ELMO1: variants seen among roughly 807,000 people sequenced by gnomAD.
The protein encoded by ELMO1 is engulfment and cell motility 1, also known as engulfment and cell motility protein 1.
A neutral mutation model predicts 98.9 loss-of-function variants in ELMO1; 26 were observed. That is an observed-to-expected ratio of 0.26 (90% CI 0.19 to 0.36). ELMO1 has a LOEUF of 0.36. Among genes scored for constraint, ELMO1 ranks in the 10% least tolerant of loss-of-function variants. The probability of loss-of-function intolerance (pLI) is 1.00; values close to 1 mark genes in which losing one functional copy is unlikely to be tolerated. For synonymous variants in ELMO1, 346 were observed against 346.0 expected, an observed-to-expected ratio of 1.00 and a Z score of 0.00; for missense variants, 627 against 935.2, an observed-to-expected ratio of 0.67 and a Z score of 4.30.
At chr7:37,297,718 C>T (rs1445404154) in intron 4 of ELMO1, among the ~76,000 whole-genome samples, 1 of 151,920 alleles carries the variant, frequency 6.6e-6, no homozygotes, top group Non-Finnish European at 1.5e-5. Flanking sequence ...GAAAGTTTGA[C>T]AAATAAATAG....
chr7:37,249,163 A>G (rs1795180716), intron 6 of ELMO1, among the ~76,000 whole-genome samples: 1 of 152,240 alleles, frequency 6.6e-6, no homozygotes, highest in Admixed American at 6.5e-5. Context: ...CACAACATTC[A>G]GAAAATGAAA....
intron 18 of ELMO1, among the ~76,000 whole-genome samples, chr7:36,887,207 G>A (rs951406678): frequency 5.3e-5 from 8 of 152,212 alleles, no homozygotes; most frequent in South Asian, 2.1e-4. Flanking sequence ...GTAATGCATT[G>A]TAACAGGTAT....
chr7:36,874,566 T>C (rs1803788358), intron 19 of ELMO1, among the ~76,000 whole-genome samples: 1 of 152,242 alleles, frequency 6.6e-6, no homozygotes, highest in Non-Finnish European at 1.5e-5. Context: ...AATTATTCGC[T>C]GTGCTTTGGT....
At chr7:36,873,285 A>C (rs1262292947) in intron 19 of ELMO1, among the ~76,000 whole-genome samples, 1 of 152,200 alleles carries the variant, frequency 6.6e-6, no homozygotes, top group Non-Finnish European at 1.5e-5. Flanking sequence ...CAGAGGGGTC[A>C]GACTCATATC....
chr7:37,420,235 A>G (rs1457448343), intron 1 of ELMO1, among the ~76,000 whole-genome samples: 2 of 152,226 alleles, frequency 1.3e-5, no homozygotes, highest in Non-Finnish European at 2.9e-5. Context: ...ACACTTCAAC[A>G]GCACGAAGTG....
intron 16 of ELMO1, among the ~76,000 whole-genome samples, chr7:36,968,565 A>T (rs929302200): frequency 1.3e-5 from 2 of 152,198 alleles, no homozygotes; most frequent in Admixed American, 6.5e-5. Context: ...AAATTCATTA[A>T]TAATATTTTA....
chr7:36,996,194 A>G (rs1181731184), intron 16 of ELMO1, among the ~76,000 whole-genome samples: 1 of 152,208 alleles, frequency 6.6e-6, no homozygotes, highest in East Asian at 1.9e-4. Flanking sequence ...TCTTAAAAGA[A>G]ATCGCCACTA....
chr7:37,418,295 A>T (rs1318856217), intron 1 of ELMO1, among the ~76,000 whole-genome samples: 1 of 152,190 alleles, frequency 6.6e-6, no homozygotes, highest in Non-Finnish European at 1.5e-5. Context: ...TGTGTTTTTT[A>T]AAATTAATTT....
chr7:37,014,305 T>G (rs1372758011), intron 15 of ELMO1, among the ~76,000 whole-genome samples: 1 of 152,176 alleles, frequency 6.6e-6, no homozygotes, highest in Non-Finnish European at 1.5e-5. Flanking sequence ...ATGAGGATAC[T>G]GTGGAGCCCA....
intron 3 of ELMO1, among the ~76,000 whole-genome samples, 190 bp downstream of exon 3, chr7:37,315,730 C>G (rs1245034281): frequency 3.3e-5 from 5 of 152,344 alleles, no homozygotes; most frequent in Admixed American, 6.5e-5. Context: ...TTCACACTTT[C>G]TGCTCTTTGA....
chr7:37,230,706 C>T (rs1466036457), intron 8 of ELMO1, among the ~76,000 whole-genome samples: 1 of 152,150 alleles, frequency 6.6e-6, no homozygotes, highest in Non-Finnish European at 1.5e-5. Context: ...ACAAGCCGGG[C>T]ACTCTGGAGG....
chr7:36,953,129 C>G (rs891647216), intron 16 of ELMO1, among the ~76,000 whole-genome samples: 1 of 151,932 alleles, frequency 6.6e-6, no homozygotes, highest in African/African-American at 2.4e-5. Flanking sequence ...CCACGCCCGG[C>G]TAATTTTTTT....
intron 13 of ELMO1, chr7:37,204,067 A>G (rs1792460083): frequency 2.2e-6 from 1 of 455,962 alleles, no homozygotes; most frequent in South Asian, 1.6e-5. Context: ...CTAAGGAAAA[A>G]TAGGACAGAA....
chr7:37,355,347 C>A (rs117980797), intron 1 of ELMO1, among the ~76,000 whole-genome samples: 162 of 152,236 alleles, frequency 1.1e-3, no homozygotes, highest in Admixed American at 2.6e-3. Context: ...TTATCATTTG[C>A]CAGACATGGG....
chr7:37,157,811 G>A (rs559199703), intron 13 of ELMO1, among the ~76,000 whole-genome samples: 10 of 152,098 alleles, frequency 6.6e-5, no homozygotes, highest in African/African-American at 2.4e-4. Flanking sequence ...CTACTTTAAA[G>A]TTCATATGGA....
At chr7:37,001,123 C>T (rs1792640265) in intron 16 of ELMO1, among the ~76,000 whole-genome samples, 2 of 152,026 alleles carry the variant, frequency 1.3e-5, no homozygotes, top group Admixed American at 6.5e-5. Flanking sequence ...AAACAGATGG[C>T]AAAATCATTT....
chr7:37,230,026 C>T (rs1380748419), intron 8 of ELMO1, among the ~76,000 whole-genome samples: 1 of 152,040 alleles, frequency 6.6e-6, no homozygotes, highest in Non-Finnish European at 1.5e-5. Flanking sequence ...AATTCCTTTC[C>T]ACTCATCACC....
At chr7:36,944,962 CT>C (rs1181118600) in intron 16 of ELMO1, among the ~76,000 whole-genome samples, 1 of 152,224 alleles carries the variant, frequency 6.6e-6, no homozygotes, top group Non-Finnish European at 1.5e-5. Flanking sequence ...CCTGAATTCA[CT>C]CTGCGAACCC....
At chr7:37,265,508 G>C (rs765875755) in intron 5 of ELMO1, among the ~76,000 whole-genome samples, 1 of 152,052 alleles carries the variant, frequency 6.6e-6, no homozygotes, top group Non-Finnish European at 1.5e-5. Flanking sequence ...TAGCTCGAAA[G>C]TGTTGCCTCC....
Sources: gnomAD v4.1 joint callset for allele counts (sites outside exome capture counted in the v4.1 genomes callset) on GRCh38, gnomAD v4.1.1 for gene constraint, MANE v1.5 for transcripts, NCBI Gene and HGNC (gene_info 2026-07-23, HGNC 2026-07-21) for gene names.